The following UBN1 variants were observed in gnomAD, a reference collection of about 807,000 sequenced individuals.
UBN1 encodes ubinuclein 1.
A neutral mutation model predicts 108.5 loss-of-function variants in UBN1; 17 were observed. The observed-to-expected ratio is 0.16, with a 90% CI of 0.11 to 0.24. UBN1 has a LOEUF of 0.24. Among genes scored for constraint, UBN1 ranks in the 10% least tolerant of loss-of-function variants. The pLI is 1.00. For synonymous variants in UBN1, 726 were observed against 564.2 expected, an observed-to-expected ratio of 1.29 and a Z score of -4.07; for missense variants, 1,595 against 1,394.4, an observed-to-expected ratio of 1.14 and a Z score of -2.29.
At chr16:4,870,706 A>G in intron 10 of UBN1, 72 bp downstream of exon 10, 1 of 1,592,454 alleles carries the variant, frequency 6.3e-7, no homozygotes, top group Non-Finnish European at 8.6e-7. Flanking sequence ...CTCGGTGTGT[A>G]CTGCCGTTTC....
chr16:4,872,805 G>C (rs2087710353), intron 12 of UBN1, 79 bp from the exon 13 acceptor site: 1 of 1,529,850 alleles, frequency 6.5e-7, no homozygotes, highest in African/African-American at 1.4e-5. Context: ...CTGAGGACCA[G>C]GGACACTAGC....
rs2087938120 is a variant in UBN1 at position 4,877,457 on chromosome 16, T to C, written c.3338T>C (p.Ile1113Thr). The C allele has an allele frequency of 6.2e-7, 1 of 1,610,840 alleles. No individual in the cohort carries two copies. The highest frequency in any genetic ancestry group is 1.7e-5 in the Admixed American group (1 of 59,856). The change falls in exon 17 of 18, where the codon ATC becomes ACC. Residue 1113 changes from isoleucine to threonine, a missense_variant. By Grantham distance (89) the Ile-to-Thr change is moderately conservative (BLOSUM62 -1). This residue lies in a region of UBN1 where 1,398 missense variants were observed against 1,194.7 expected (regional missense o/e 1.17). Transcript: ENST00000262376. This position sits in a 1 kb window ranked among gnomAD's most constrained non-coding sequence, Gnocchi z 4.3. ...CCACACGCTGCGGTGCCCACCCATA[T>C]CCCGCAGAGTCTGCCAGGTAATCAC... Reference protein sequence around the residue: ...PLPHAAVPTHIPQSLPGASQL... With the variant: ...PLPHAAVPTHTPQSLPGASQL...
intron 7 of UBN1, among the ~76,000 whole-genome samples, chr16:4,866,264 A>T (rs145731219): frequency 6.6e-6 from 1 of 152,040 alleles, no homozygotes; most frequent in African/African-American, 2.4e-5. Context: ...CTTTTTTTCC[A>T]TTATTCGTCT....
chr16:4,859,174 G>T lies in UBN1; in HGVS notation c.567+15G>T. On this transcript the variant is annotated intron_variant, in intron 5 of 17. Coordinates refer to ENST00000262376, the MANE Select transcript of UBN1 (RefSeq NM_001079514.3). ...AATCTCCAAAGGTTAGAATGTGCTT[G>T]CTTTTGGATTTCAGAAATGCTTTTT... is the stretch of plus-strand genomic sequence containing the variant. The T allele has an allele frequency of 1.2e-6, 2 of 1,608,080 alleles. No homozygotes were observed. The highest frequency in any genetic ancestry group is 1.7e-6 in the Non-Finnish European group (2 of 1,178,888).
In UBN1 at chr16:4,877,154, G is replaced by T. The variant is rs2087922433; in HGVS notation, c.3265+43G>T. ...GCCTCTGGTCACTCAGGAACCTCTAGATTGTGGCCAGGGGTCCTGCTGTTG... is the reference window on the plus strand; with the variant it reads ...GCCTCTGGTCACTCAGGAACCTCTATATTGTGGCCAGGGGTCCTGCTGTTG... On this transcript the variant is annotated intron_variant, in intron 16 of 17. Transcript: ENST00000262376. The surrounding 1 kb of genome is among the most constrained non-coding windows in gnomAD (Gnocchi z 4.3). 1.1e-5 allele frequency: 17 copies of T among 1,561,590 alleles called. No homozygotes were observed. The highest frequency in any genetic ancestry group is 1.5e-5 in the Non-Finnish European group (17 of 1,156,612).
intron 6 of UBN1, 52 bp from the exon 7 acceptor site, chr16:4,860,612 C>A: frequency 6.5e-7 from 1 of 1,537,214 alleles, no homozygotes; most frequent in South Asian, 1.3e-5. Context: ...CTCTGGAGTT[C>A]CCTTTGGAGG....
chr16:4,875,668 G>C (rs991468225), intron 15 of UBN1, among the ~76,000 whole-genome samples: 2 of 152,192 alleles, frequency 1.3e-5, no homozygotes, highest in African/African-American at 4.8e-5. Flanking sequence ...GGGACCTAAA[G>C]GATGGCCAGC....
chr16:4,859,959 C>T lies in UBN1; in HGVS notation c.662C>T (p.Ser221Phe). The T allele has an allele frequency of 6.2e-7, 1 of 1,614,130 alleles. No individual in the cohort carries two copies. The highest frequency in any genetic ancestry group is 8.5e-7 in the Non-Finnish European group (1 of 1,179,984). Residue 221 changes from serine (S) to phenylalanine (F), a missense_variant, in exon 6 of 18, where the codon TCC becomes TTC. Transcript: ENST00000262376. ...KEKKSKKSKF[S>F]KAGFTALNAS... The stretch of plus-strand genomic sequence containing the variant: ...AAGAAATCGAAAAAGTCCAAGTTTT[C>T]CAAAGCCGGGTGAGAGGCAGCAGCT...
intron 6 of UBN1, 121 bp downstream of exon 6, chr16:4,860,089 C>A: frequency 8.0e-7 from 1 of 1,252,742 alleles, no homozygotes; most frequent in Non-Finnish European, 1.1e-6. Context: ...CCTTCCTGTC[C>A]TCCCGCACGC....
rs2087836437 is a variant in UBN1 at position 4,875,492 on chromosome 16, G to A, written c.3024+58G>A. On this transcript the variant is annotated intron_variant, in intron 15 of 17. Transcript: ENST00000262376. ...CACTCACAGGGGCCTTGGGGATGAGGTTGCTTGCCTTGCCCCGGGTGGAGA... is the reference window on the plus strand; with the variant it reads ...CACTCACAGGGGCCTTGGGGATGAGATTGCTTGCCTTGCCCCGGGTGGAGA... The A allele has an allele frequency of 3.2e-6, 5 of 1,547,834 alleles. No homozygotes were observed. In the South Asian group the frequency reaches 5.0e-5, roughly 15 times the overall value.
rs1174972674 is a variant in UBN1, at chr16:4,850,258, ACCTT to A, written c.-40+2050_-40+2053del. Among the ~76,000 whole-genome samples, 4 of 152,130 alleles carry A rather than the reference ACCTT, an allele frequency of 2.6e-5. No homozygotes were observed. In the East Asian group the frequency reaches 5.8e-4, roughly 22 times the overall value. ...ACTTTATCCTGTAGTCCTATTTTTT[ACCTT>A]CTTGGGCCTGGAGAGTCACTTAAGC... On this transcript the variant is annotated intron_variant, in intron 1 of 17. Coordinates refer to ENST00000262376, the MANE Select transcript of UBN1 (RefSeq NM_001079514.3).
At chr16:4,873,524 A>G (rs1158022228) in intron 14 of UBN1, among the ~76,000 whole-genome samples, 2 of 152,186 alleles carry the variant, frequency 1.3e-5, no homozygotes, top group Non-Finnish European at 2.9e-5. Flanking sequence ...ATTACCTTAG[A>G]TGTTGCAGAA....
Position 4,875,254 on chromosome 16 carries a change from A to G in UBN1, c.2844A>G (p.Arg948=). ...QPPSVGQATS[R]PVPSSAGKKM... ...CCTCCGTGGGACAGGCCACCAGCCG[A>G]CCCGTCCCAAGTTCAGCAGGGAAAA... is the stretch of plus-strand genomic sequence containing the variant. The change falls in exon 15 of 18, where the codon CGA becomes CGG. Residue 948 remains arginine (R), a synonymous_variant. Transcript: ENST00000262376. The G allele has an allele frequency of 6.2e-7, 1 of 1,614,058 alleles. No individual in the cohort carries two copies. Among genetic ancestry groups the G allele is most frequent in the Non-Finnish European group, 8.5e-7 (1 of 1,180,014 alleles).
Position 4,875,438 on chromosome 16 carries a change from A to G in UBN1, c.3024+4A>G, listed in dbSNP as rs760448672. 9 of 1,604,018 alleles carry G rather than the reference A, an allele frequency of 5.6e-6. No individual in the cohort carries two copies. Among genetic ancestry groups the G allele is most frequent in the Non-Finnish European group, 7.7e-6 (9 of 1,173,404 alleles). On this transcript the variant is annotated splice_donor_region_variant and intron_variant, in intron 15 of 17. Transcript: ENST00000262376. ...GACATCGTCTACCTCCTTGTCAGTG[A>G]GTATCTGTCATAGCAGCCTGCCCTG...
chr16:4,872,997 C>T (rs2087718358), intron 13 of UBN1, 34 bp from the exon 14 acceptor site: 1 of 1,614,090 alleles, frequency 6.2e-7, no homozygotes, highest in South Asian at 1.1e-5. Context: ...TCTGGATATT[C>T]TCTAAACTTT....
At chr16:4,875,512 T>G in intron 15 of UBN1, 78 bp downstream of exon 15, 1 of 1,519,082 alleles carries the variant, frequency 6.6e-7, no homozygotes, top group Non-Finnish European at 8.8e-7. Flanking sequence ...TTGCCCCGGG[T>G]GGAGAGTGAG....
Position 4,880,186 on chromosome 16 carries a change from G to C in UBN1, c.*54G>C. The stretch of plus-strand genomic sequence containing the variant: ...GGTCTGGGTGGAATCAGAACGTGCA[G>C]GTCTCCCAGGATGTACACTCACTGC... On this transcript the variant is annotated 3_prime_UTR_variant, in exon 18 of 18. Coordinates refer to ENST00000262376, the MANE Select transcript of UBN1 (RefSeq NM_001079514.3). 3.2e-6 allele frequency: 5 copies of C among 1,585,008 alleles called. No individual in the cohort carries two copies. Among genetic ancestry groups the C allele is most frequent in the Middle Eastern group, 3.4e-4 (2 of 5,960 alleles).
At chr16:4,863,106 C>T (rs1396931044) in intron 7 of UBN1, among the ~76,000 whole-genome samples, 1 of 152,160 alleles carries the variant, frequency 6.6e-6, no homozygotes, top group Non-Finnish European at 1.5e-5. Context: ...AATATAAAAA[C>T]AATTTCTAGT....
intron 10 of UBN1, 61 bp downstream of exon 10, chr16:4,870,695 T>G: frequency 6.2e-7 from 1 of 1,602,686 alleles, no homozygotes; most frequent in Non-Finnish European, 8.5e-7. Flanking sequence ...CCCTCCCGTT[T>G]CTCGGTGTGT....
Sources: allele counts gnomAD v4.1 joint callset (sites outside exome capture counted in the v4.1 genomes callset), GRCh38; gene constraint gnomAD v4.1.1; regional missense constraint gnomAD v4.1.1; non-coding constraint Gnocchi (gnomAD v3.1); transcripts MANE v1.5; gene names NCBI Gene and HGNC (gene_info 2026-07-23, HGNC 2026-07-21).